UBE4B: variants seen among roughly 807,000 people sequenced by gnomAD.
The protein encoded by UBE4B is ubiquitination factor E4B, also known as ubiquitin conjugation factor E4 B.
Under a neutral mutation model 148.1 loss-of-function variants are expected in UBE4B, and 27 were observed. The ratio of observed to expected loss-of-function variants is 0.18; its 90% CI spans 0.13 to 0.25. The LOEUF (loss-of-function observed/expected upper bound fraction) is 0.25, where lower values mean the gene tolerates loss of function less well. Among genes scored for constraint, UBE4B ranks in the 10% least tolerant of loss-of-function variants. The pLI is 1.00. For missense variants in UBE4B, 1,170 were observed against 1,662.4 expected (o/e 0.70, Z 5.15); for synonymous variants, 596 against 619.3 (o/e 0.96, Z 0.56).
At chr1:10,089,696 T>G (rs867144673) in intron 2 of UBE4B, among the ~76,000 whole-genome samples, 4 of 150,508 alleles carry the variant, frequency 2.7e-5, no homozygotes, top group Non-Finnish European at 4.4e-5. Flanking sequence ...AGTTTTACTT[T>G]TGTAATTTTT....
intron 7 of UBE4B, among the ~76,000 whole-genome samples, chr1:10,107,816 G>C (rs759462656): frequency 6.6e-6 from 1 of 152,076 alleles, no homozygotes; most frequent in African/African-American, 2.4e-5. Flanking sequence ...GACCTCAAGT[G>C]ATCTGCCCGT....
At chr1:10,172,966 A>G (rs1646359730) in intron 25 of UBE4B, among the ~76,000 whole-genome samples, 1 of 152,222 alleles carries the variant, frequency 6.6e-6, no homozygotes, top group African/African-American at 2.4e-5. Context: ...ACAGTTTTGT[A>G]GCCTAGGAGC....
intron 23 of UBE4B, among the ~76,000 whole-genome samples, chr1:10,167,932 G>A (rs551518207): frequency 4.6e-5 from 7 of 152,122 alleles, no homozygotes; most frequent in Non-Finnish European, 8.8e-5. Flanking sequence ...GTTAAATAAG[G>A]CACCAACATC....
chr1:10,063,532 T>A (rs1387826551), intron 1 of UBE4B, among the ~76,000 whole-genome samples: 3 of 152,214 alleles, frequency 2.0e-5, no homozygotes, highest in Non-Finnish European at 2.9e-5. Flanking sequence ...GCTGTCCCTT[T>A]CCTATGCCCA....
chr1:10,136,748 C>T (rs1042403879), intron 16 of UBE4B, among the ~76,000 whole-genome samples: 4 of 151,882 alleles, frequency 2.6e-5, no homozygotes, highest in African/African-American at 2.4e-5. Context: ...GGTGAAACCT[C>T]GTCTCTCCTA....
chr1:10,151,614 A>G (rs1645976635), intron 21 of UBE4B, 53 bp downstream of exon 21: 1 of 1,500,736 alleles, frequency 6.7e-7, no homozygotes, highest in African/African-American at 1.4e-5. Flanking sequence ...AGGTAAGGTC[A>G]TCTAAAGCTA....
At chr1:10,059,426 G>C in intron 1 of UBE4B, 1 of 211,206 alleles carries the variant, frequency 4.7e-6, no homozygotes, top group Admixed American at 4.4e-5. Context: ...ATCCAGGAGG[G>C]GAAACAGGTG....
At chr1:10,110,994 C>CCTCTCTTCTCTCTGTCT (rs1553146605) in intron 7 of UBE4B, among the ~76,000 whole-genome samples, 1 of 148,238 alleles carries the variant, frequency 6.7e-6, no homozygotes, top group Non-Finnish European at 1.5e-5. Flanking sequence ...AAACCCTGTC[C>CCTCTCTTCTCTCTGTCT]CTCTCTTCTC....
chr1:10,155,160 G>C (rs537832203), intron 21 of UBE4B, among the ~76,000 whole-genome samples: 9 of 152,020 alleles, frequency 5.9e-5, no homozygotes, highest in Non-Finnish European at 1.2e-4. Context: ...CCTATAAGAC[G>C]AGTGCTGGGC....
At chr1:10,154,565 C>T (rs1646036188) in intron 21 of UBE4B, among the ~76,000 whole-genome samples, 1 of 151,780 alleles carries the variant, frequency 6.6e-6, no homozygotes, top group Non-Finnish European at 1.5e-5. Flanking sequence ...TGGCCGGGCT[C>T]AGTGACTCAC....
At chr1:10,048,252 A>G (rs1003661113) in intron 1 of UBE4B, among the ~76,000 whole-genome samples, 1 of 152,192 alleles carries the variant, frequency 6.6e-6, no homozygotes, top group Non-Finnish European at 1.5e-5. Flanking sequence ...AGATGGGGAA[A>G]ATTGAAAGAG....
At position 10,060,368 on chromosome 1, in the gene UBE4B, T is replaced by C. The variant is rs937817162; in HGVS notation, c.25-11660T>C. On this transcript the variant is annotated intron_variant, in intron 1 of 27. Coordinates refer to ENST00000343090, the MANE Select transcript of UBE4B (RefSeq NM_001105562.3). Reference sequence around the variant, plus strand: ...TAACTATACTGAATCCTGTGGGCAGTTGTACAATAACAGTGAGTTTTTGTG... The same window carrying C: ...TAACTATACTGAATCCTGTGGGCAGCTGTACAATAACAGTGAGTTTTTGTG... Among the ~76,000 whole-genome samples, 40 of 152,118 alleles carry C rather than the reference T, an allele frequency of 2.6e-4. 3 individuals are homozygous for C. The highest frequency in any genetic ancestry group is 1.5e-5 in the Non-Finnish European group (1 of 68,020).
intron 22 of UBE4B, among the ~76,000 whole-genome samples, chr1:10,159,107 T>G (rs143744742): frequency 6.6e-6 from 1 of 152,050 alleles, no homozygotes; most frequent in East Asian, 1.9e-4. Context: ...CAGTGTTAAA[T>G]GAAGTTGTCA....
chr1:10,082,555 G>A (rs1232997696), intron 2 of UBE4B, among the ~76,000 whole-genome samples: 2 of 150,860 alleles, frequency 1.3e-5, no homozygotes, highest in Non-Finnish European at 2.9e-5. Flanking sequence ...AATTATAGAG[G>A]AAAAGAGAGC....
intron 5 of UBE4B, among the ~76,000 whole-genome samples, chr1:10,103,363 C>G (rs1015091608): frequency 1.3e-5 from 2 of 151,484 alleles, no homozygotes; most frequent in Non-Finnish European, 2.9e-5. Context: ...AAGTTTTTCT[C>G]TTTGTAGTAA....
At chr1:10,073,641 A>G (rs898731037) in intron 2 of UBE4B, among the ~76,000 whole-genome samples, 4 of 152,130 alleles carry the variant, frequency 2.6e-5, no homozygotes, top group African/African-American at 9.6e-5. Context: ...AATTGCTTAA[A>G]CCCGGGAGGT....
At chr1:10,071,373 G>C (rs754041737) in intron 1 of UBE4B, among the ~76,000 whole-genome samples, 7 of 152,158 alleles carry the variant, frequency 4.6e-5, no homozygotes, top group Non-Finnish European at 1.0e-4. Flanking sequence ...CTTGGGGCCA[G>C]GAGGTTGAGA....
At chr1:10,120,204 AT>A (rs936522206) in intron 9 of UBE4B, among the ~76,000 whole-genome samples, 5 of 152,206 alleles carry the variant, frequency 3.3e-5, no homozygotes, top group Non-Finnish European at 4.4e-5. Context: ...TATATAAAAA[AT>A]ATCTAAAGGG....
At chr1:10,118,172 A>T (rs1211261925) in intron 8 of UBE4B, among the ~76,000 whole-genome samples, 1 of 152,060 alleles carries the variant, frequency 6.6e-6, no homozygotes, top group Non-Finnish European at 1.5e-5. Context: ...GACTGGCTTC[A>T]TTGTTTTCTC....
Sources: gnomAD v4.1 joint callset for allele counts (sites outside exome capture counted in the v4.1 genomes callset) on GRCh38, gnomAD v4.1.1 for gene constraint, MANE v1.5 for transcripts, NCBI Gene and HGNC (gene_info 2026-07-23, HGNC 2026-07-21) for gene names.